XPR1: variants seen among roughly 807,000 people sequenced by gnomAD.
The protein encoded by XPR1 is xenotropic and polytropic retrovirus receptor 1.
Under a neutral mutation model 87.5 loss-of-function variants are expected in XPR1, and 28 were observed. That is an observed-to-expected ratio of 0.32 (90% CI 0.24 to 0.44). The LOEUF (loss-of-function observed/expected upper bound fraction) is 0.44, where lower values mean the gene tolerates loss of function less well. Among genes scored for constraint, XPR1 ranks in the 20% least tolerant of loss-of-function variants. The pLI is 1.00. For synonymous variants in XPR1, 300 were observed against 306.1 expected (o/e 0.98, Z 0.21); for missense variants, 559 against 862.3 (o/e 0.65, Z 4.41).
At chr1:180,707,948 T>G (rs943637994) in intron 2 of XPR1, among the ~76,000 whole-genome samples, 1 of 152,194 alleles carries the variant, frequency 6.6e-6, no homozygotes, top group African/African-American at 2.4e-5. Context: ...CAGTAGTATT[T>G]CTAATTAGCA....
chr1:180,875,508 CAAAA>C (rs1167673409), intron 13 of XPR1, among the ~76,000 whole-genome samples: 3 of 63,048 alleles, frequency 4.8e-5, no homozygotes, highest in East Asian at 5.4e-4. Flanking sequence ...GACTCCGTCT[CAAAA>C]AAAAAAAAAA....
chr1:180,696,403 C>T lies in XPR1; in HGVS notation c.121+13992C>T, dbSNP rs111535115. On this transcript the variant is annotated intron_variant, in intron 2 of 14. Coordinates refer to ENST00000367590, the MANE Select transcript of XPR1 (RefSeq NM_004736.4). ...GGTTTTTCTATATCTAAGATCATGT[C>T]ATCTATAAAGCAGGACAACTTGACT... Among the ~76,000 whole-genome samples, 250 of 151,892 alleles carry T rather than the reference C, an allele frequency of 1.6e-3. 1 individual carries two copies. Among genetic ancestry groups the T allele is most frequent in the African/African-American group, 5.7e-3 (236 of 41,432 alleles).
At chr1:180,883,347 G>A (rs1558051414) in intron 14 of XPR1, among the ~76,000 whole-genome samples, 4 of 151,812 alleles carry the variant, frequency 2.6e-5, no homozygotes, top group Admixed American at 2.0e-4. Context: ...AGTGAAATCG[G>A]TGTTACCATT....
rs1192695692 is a variant in XPR1 at position 180,885,730 on chromosome 1, G to A, written c.*1664G>A. The A allele has an allele frequency of 6.6e-6, 1 of 152,164 alleles. No individual in the cohort carries two copies. The highest frequency in any genetic ancestry group is 2.4e-5 in the African/African-American group (1 of 41,440). The allele number at this position is 152,164 out of a possible 1,614,324, so 9.4% of individuals were successfully genotyped here. ...ATTATAAACAAAGGAACAAATAAGT[G>A]GAAGGGCAGCTATTACCATTCGCTT... On this transcript the variant is annotated 3_prime_UTR_variant, in exon 15 of 15. Coordinates refer to ENST00000367590, the MANE Select transcript of XPR1 (RefSeq NM_004736.4).
intron 14 of XPR1, among the ~76,000 whole-genome samples, chr1:180,880,960 C>A (rs1014999336): frequency 2.0e-5 from 3 of 151,954 alleles, no homozygotes; most frequent in Admixed American, 6.6e-5. Flanking sequence ...ATGAAGGAGG[C>A]TTAGGTTGAG....
chr1:180,720,580 T>A (rs1434454505), intron 2 of XPR1, among the ~76,000 whole-genome samples: 1 of 152,206 alleles, frequency 6.6e-6, no homozygotes, highest in Non-Finnish European at 1.5e-5. Flanking sequence ...TTTAATATAT[T>A]ACTAGAGTAG....
At chr1:180,826,928 T>C (rs575194311) in intron 9 of XPR1, among the ~76,000 whole-genome samples, 13 of 151,446 alleles carry the variant, frequency 8.6e-5, no homozygotes, top group South Asian at 6.3e-4. Flanking sequence ...CCGAGGTGGG[T>C]GGATCACCTG....
chr1:180,782,301 A>G (rs1648972101), intron 2 of XPR1, among the ~76,000 whole-genome samples: 1 of 152,022 alleles, frequency 6.6e-6, no homozygotes, highest in African/African-American at 2.4e-5. Flanking sequence ...TATTTAGCCC[A>G]TTGTATTAGT....
intron 13 of XPR1, among the ~76,000 whole-genome samples, chr1:180,877,353 G>A (rs990856921): frequency 3.9e-5 from 6 of 152,118 alleles, no homozygotes; most frequent in Admixed American, 3.9e-4. Context: ...AACAGAATAG[G>A]GAGTACAGAA....
chr1:180,838,844 GAAATT>G (rs1291328228), intron 11 of XPR1, among the ~76,000 whole-genome samples: 2 of 151,970 alleles, frequency 1.3e-5, no homozygotes, highest in African/African-American at 4.8e-5. Flanking sequence ...CATGTAAATT[GAAATT>G]AAATTATTTC....
At chr1:180,820,924 C>G (rs1212220367) in intron 7 of XPR1, among the ~76,000 whole-genome samples, 3 of 151,732 alleles carry the variant, frequency 2.0e-5, no homozygotes, top group African/African-American at 7.3e-5. Context: ...GTTCATTGTT[C>G]CATTGTTAAG....
intron 4 of XPR1, among the ~76,000 whole-genome samples, chr1:180,805,073 G>T (rs3002115): frequency 3.9e-5 from 6 of 152,106 alleles, no homozygotes; most frequent in Admixed American, 3.9e-4. Context: ...TCTATTCTTT[G>T]GGGGTCATCT....
At chr1:180,702,876 G>C (rs751408315) in intron 2 of XPR1, among the ~76,000 whole-genome samples, 2 of 151,636 alleles carry the variant, frequency 1.3e-5, no homozygotes, top group Non-Finnish European at 2.9e-5. Context: ...GCATCCTTAT[G>C]CTGATATCTG....
At chr1:180,653,753 A>C (rs1655364749) in intron 1 of XPR1, among the ~76,000 whole-genome samples, 1 of 152,224 alleles carries the variant, frequency 6.6e-6, no homozygotes, top group African/African-American at 2.4e-5. Flanking sequence ...GCCATTACTG[A>C]GTAAAGTAAT....
intron 10 of XPR1, 68 bp from the exon 11 acceptor site, chr1:180,836,454 T>C (rs1046119516): frequency 2.5e-5 from 39 of 1,579,236 alleles, no homozygotes; most frequent in African/African-American, 4.0e-5. Flanking sequence ...AGCTACACTA[T>C]ATGGCTAAAT....
At position 180,685,216 on chromosome 1, in the gene XPR1, T is replaced by A. The variant is rs572638876; in HGVS notation, c.121+2805T>A. On this transcript the variant is annotated intron_variant, in intron 2 of 14. Transcript: ENST00000367590. Reference sequence around the variant, plus strand: ...ATGAAGCGTTGTTGAATTTTGTCAATGGCCTTTTCTGCATCTATTGAGATA... The same window carrying A: ...ATGAAGCGTTGTTGAATTTTGTCAAAGGCCTTTTCTGCATCTATTGAGATA... 1.6e-3 allele frequency among the ~76,000 whole-genome samples: 236 copies of A among 152,200 alleles called. 1 individual carries two copies. The highest frequency in any genetic ancestry group is 4.5e-3 in the African/African-American group (189 of 41,552).
intron 1 of XPR1, among the ~76,000 whole-genome samples, chr1:180,632,614 C>A (rs547343656): frequency 1.3e-5 from 2 of 152,342 alleles, no homozygotes; most frequent in South Asian, 4.1e-4. Flanking sequence ...CGCGGCTGTT[C>A]CGCGCTAATC....
At chr1:180,836,813 C>CT (rs1172933189) in intron 11 of XPR1, 97 bp downstream of exon 11, 156 of 1,393,580 alleles carry the variant, frequency 1.1e-4, no homozygotes, top group Non-Finnish European at 1.5e-4. Flanking sequence ...TTGTCATGCT[C>CT]TTTTTTTTCC....
At position 180,889,818 on chromosome 1, in the gene XPR1, C is replaced by T. The variant is rs1571265166; in HGVS notation, c.*5752C>T. On this transcript the variant is annotated 3_prime_UTR_variant, in exon 15 of 15. Coordinates refer to ENST00000367590, the MANE Select transcript of XPR1 (RefSeq NM_004736.4). ...TTCCTTCACCCCTCTCCCTCCACCA[C>T]ACTGTGTTGGTCAAATGATACTATT... 6.6e-6 allele frequency: 1 copy of T among 152,252 alleles called. No homozygotes were observed. The highest frequency in any genetic ancestry group is 1.5e-5 in the Non-Finnish European group (1 of 68,048). The allele number at this position is 152,252 out of a possible 1,614,324, so 9.4% of individuals were successfully genotyped here.
Sources: gnomAD v4.1 joint callset for allele counts (sites outside exome capture counted in the v4.1 genomes callset) on GRCh38, gnomAD v4.1.1 for gene constraint, MANE v1.5 for transcripts, NCBI Gene and HGNC (gene_info 2026-07-23, HGNC 2026-07-21) for gene names.